The following DNAI1 variants were observed in gnomAD, a reference collection of about 807,000 sequenced individuals.
DNAI1 encodes the protein dynein, axonemal, intermediate polypeptide 1.
In DNAI1, 67 loss-of-function variants were observed where a neutral mutation model predicts 92.0. The observed-to-expected ratio is 0.73, with a 90% confidence interval of 0.60 to 0.89. The LOEUF (loss-of-function observed/expected upper bound fraction) is 0.89. Ranked by LOEUF, DNAI1 falls within the 40% of genes least tolerant of loss-of-function variation. The pLI, the probability that DNAI1 is intolerant of heterozygous loss-of-function variation, is 0.00. For synonymous variants in DNAI1, 323 were observed against 319.6 expected (o/e 1.01, Z -0.11); for missense variants, 839 against 866.6 (o/e 0.97, Z 0.40).
intron 4 of DNAI1, chr9:34,488,063 A>G: frequency 2.5e-6 from 1 of 395,286 alleles, no homozygotes; most frequent in Non-Finnish European, 5.0e-6. Context: ...TTCCTTGGGA[A>G]TCTTCATCAT....
chr9:34,480,968 T>A (rs1260077755), intron 1 of DNAI1, among the ~76,000 whole-genome samples: 2 of 151,340 alleles, frequency 1.3e-5, no homozygotes, highest in East Asian at 3.9e-4. Flanking sequence ...AGGCTGGGCG[T>A]GGTGGCTTAC....
At position 34,517,194 on chromosome 9, in the gene DNAI1, G is replaced by A. The variant is rs970019260; in HGVS notation, c.1819-91G>A. On this transcript the variant is annotated intron_variant, in intron 18 of 19. Transcript: ENST00000242317. ...GTGTGCTAGCCATTAGCCTTCTACA[G>A]TCTTTCCCCAGGAAGTCCAGGGACT... 8.4e-6 allele frequency: 12 copies of A among 1,430,112 alleles called. No homozygotes were observed. The South Asian group carries it at 1.5e-4, about 17-fold the overall frequency. 88.6% of individuals were successfully genotyped at this position (1,430,112 alleles called of 1,614,324 possible). A position where few individuals can be genotyped will look rare whatever the true frequency, so the allele number is the denominator to read the frequency against.
rs144705197 is a variant in DNAI1, at chr9:34,505,541, CA to C, written c.1064-1085del. Among the ~76,000 whole-genome samples, 981 of 152,302 alleles carry C rather than the reference CA, an allele frequency of 6.4e-3. 12 individuals carry two copies. Among genetic ancestry groups the C allele is most frequent in the African/African-American group, 0.022 (895 of 41,544 alleles). The stretch of plus-strand genomic sequence containing the variant: ...GGGGATTAGGATATGGACATCTTTG[CA>C]GGGGGGCCTTATTCTGCCTACCACA... On this transcript the variant is annotated intron_variant, in intron 12 of 19. Coordinates refer to ENST00000242317, the MANE Select transcript of DNAI1 (RefSeq NM_012144.4).
chr9:34,503,053 G>T (rs115779072), intron 12 of DNAI1, among the ~76,000 whole-genome samples: 4 of 152,196 alleles, frequency 2.6e-5, no homozygotes, highest in Non-Finnish European at 5.9e-5. Context: ...AGCAGAGAAG[G>T]GGGGTGTGGA....
chr9:34,469,741 T>G (rs1182127370), intron 1 of DNAI1, among the ~76,000 whole-genome samples: 1 of 152,080 alleles, frequency 6.6e-6, no homozygotes, highest in Admixed American at 6.5e-5. Flanking sequence ...CCATGGTGGC[T>G]AATTTTTTTT....
At chr9:34,497,238 T>C in intron 10 of DNAI1, 39 bp downstream of exon 10, 1 of 1,522,598 alleles carries the variant, frequency 6.6e-7, no homozygotes, top group Non-Finnish European at 9.1e-7. Context: ...TTATTGCCTG[T>C]ATTAAAAATT....
intron 13 of DNAI1, among the ~76,000 whole-genome samples, chr9:34,507,775 C>T (rs896745495): frequency 2.0e-5 from 3 of 152,216 alleles, no homozygotes; most frequent in Admixed American, 1.3e-4. Context: ...TCGGGTGGGA[C>T]TGTAAGGCCT....
Position 34,512,147 on chromosome 9 carries a change from C to T in DNAI1, c.1350C>T (p.Asn450=). 1 of 1,614,200 alleles carries T rather than the reference C, an allele frequency of 6.2e-7. No individual in the cohort carries two copies. Among genetic ancestry groups the T allele is most frequent in the Non-Finnish European group, 8.5e-7 (1 of 1,180,028 alleles). ...WQKDDMDQNL[N]FFSVSSDGRI... is the part of the protein sequence containing the mutation. Reference sequence around the variant, plus strand: ...AGGATGACATGGACCAAAACCTTAACTTCTTCTCTGTGTCATCTGACGGCA... The same window carrying T: ...AGGATGACATGGACCAAAACCTTAATTTCTTCTCTGTGTCATCTGACGGCA... The change falls in exon 14 of 20, where the codon AAC becomes AAT. Residue 450 remains asparagine (N), a synonymous_variant. Transcript: ENST00000242317.
intron 10 of DNAI1, 90 bp downstream of exon 10, chr9:34,497,289 T>A: frequency 2.1e-6 from 2 of 966,330 alleles, no homozygotes; most frequent in Non-Finnish European, 3.4e-6. Flanking sequence ...TCTTGCTAGC[T>A]CCTATAGGTG....
chr9:34,494,797 G>A (rs1208337743), intron 9 of DNAI1, among the ~76,000 whole-genome samples: 1 of 152,152 alleles, frequency 6.6e-6, no homozygotes, highest in African/African-American at 2.4e-5. Flanking sequence ...GAGTCCACAT[G>A]GGAGGCAGGA....
Position 34,513,505 on chromosome 9 carries a change from C to T in DNAI1, c.1569+314C>T, listed in dbSNP as rs150559796. On this transcript the variant is annotated intron_variant, in intron 16 of 19. Transcript: ENST00000242317. Reference sequence around the variant, plus strand: ...GAGTTAGAATATTTTGGGAAAACTTCCTGGAGGAGATTTGTACTTGAGCTG... The same window carrying T: ...GAGTTAGAATATTTTGGGAAAACTTTCTGGAGGAGATTTGTACTTGAGCTG... Among the ~76,000 whole-genome samples, 80 of 152,268 alleles carry T rather than the reference C, an allele frequency of 5.3e-4. 1 individual carries two copies. The highest frequency in any genetic ancestry group is 3.4e-3 in the Middle Eastern group (1 of 294).
intron 7 of DNAI1, among the ~76,000 whole-genome samples, 157 bp downstream of exon 7, chr9:34,490,645 G>A (rs1824571819): frequency 6.6e-6 from 1 of 152,216 alleles, no homozygotes; most frequent in Admixed American, 6.5e-5. Context: ...GAGAGCATGT[G>A]TTCAGGTCTC....
chr9:34,461,683 T>C (rs989087189), intron 1 of DNAI1, among the ~76,000 whole-genome samples: 4 of 152,086 alleles, frequency 2.6e-5, no homozygotes, highest in Non-Finnish European at 5.9e-5. Context: ...CACTGCCCCA[T>C]GGAGGGAAGG....
At chr9:34,472,851 G>T (rs1031760734) in intron 1 of DNAI1, among the ~76,000 whole-genome samples, 2 of 151,796 alleles carry the variant, frequency 1.3e-5, no homozygotes, top group Non-Finnish European at 2.9e-5. Flanking sequence ...GCAGTGAGCC[G>T]TGATTGTGTT....
intron 4 of DNAI1, among the ~76,000 whole-genome samples, chr9:34,487,004 A>G (rs560722402): frequency 9.3e-4 from 142 of 152,134 alleles, no homozygotes; most frequent in Middle Eastern, 3.4e-3. Flanking sequence ...ACTACATTCT[A>G]TTTATCCATT....
chr9:34,500,891 C>A, intron 11 of DNAI1, 52 bp downstream of exon 11: 2 of 1,410,302 alleles, frequency 1.4e-6, no homozygotes, highest in South Asian at 1.2e-5. Flanking sequence ...CCTCTACATC[C>A]CAAACCCCCA....
At chr9:34,472,113 A>T (rs781367647) in intron 1 of DNAI1, among the ~76,000 whole-genome samples, 2 of 152,212 alleles carry the variant, frequency 1.3e-5, no homozygotes, top group Non-Finnish European at 2.9e-5. Context: ...GGCAGACTGC[A>T]TGGAATAATA....
chr9:34,512,545 C>G, intron 15 of DNAI1, 121 bp downstream of exon 15: 2 of 989,882 alleles, frequency 2.0e-6, no homozygotes, highest in Non-Finnish European at 3.1e-6. Flanking sequence ...CAGGGCCTGA[C>G]AGGAGATTGT....
At position 34,485,336 on chromosome 9, in the gene DNAI1, T is replaced by C; in HGVS notation, c.180+96T>C. 1.9e-6 allele frequency: 3 copies of C among 1,594,064 alleles called. No individual in the cohort carries two copies. The Admixed American group carries it at 5.1e-5, about 27-fold the overall frequency. On this transcript the variant is annotated intron_variant, in intron 3 of 19. Transcript: ENST00000242317. ...CATGATTAGGAGCTTGCCCAGAACC[T>C]GGGTGTGAGATGTCTGCTGATACTC... is the stretch of plus-strand genomic sequence containing the variant.
Sources: gnomAD v4.1 joint callset for allele counts (sites outside exome capture counted in the v4.1 genomes callset) on GRCh38, gnomAD v4.1.1 for gene constraint, MANE v1.5 for transcripts, NCBI Gene and HGNC (gene_info 2026-07-23, HGNC 2026-07-21) for gene names.